The following TENM2 variants were observed in gnomAD, a reference collection of about 807,000 sequenced individuals.
TENM2 encodes teneurin transmembrane protein 2.
TENM2 carries 52 observed loss-of-function variants against 245.2 expected under a neutral mutation model. The ratio of observed to expected loss-of-function variants is 0.21; its 90% CI spans 0.17 to 0.27. TENM2 has a LOEUF of 0.27. Among genes scored for constraint, TENM2 ranks in the 10% least tolerant of loss-of-function variants. The probability of loss-of-function intolerance (pLI) is 1.00; values close to 1 mark genes in which losing one functional copy is unlikely to be tolerated. For missense variants in TENM2, 3,046 were observed against 3,666.8 expected (o/e 0.83, Z 4.37); for synonymous variants, 1,363 against 1,438.9 (o/e 0.95, Z 1.19).
intron 2 of TENM2, among the ~76,000 whole-genome samples, chr5:167,511,322 T>G (rs1159917042): frequency 6.6e-6 from 1 of 152,046 alleles, no homozygotes; most frequent in African/African-American, 2.4e-5. Flanking sequence ...ACTGAGAAGG[T>G]AAAACGTGAG....
chr5:166,996,649 T>A, the TENM2 span, among the ~76,000 whole-genome samples: 1 of 152,238 alleles, frequency 6.6e-6, no homozygotes, highest in African/African-American at 2.4e-5. Context: ...CTCATTTTTC[T>A]GAGTTCATGA....
chr5:168,070,792 A>AG, intron 7 of TENM2, among the ~76,000 whole-genome samples: 9 of 97,324 alleles, frequency 9.2e-5, no homozygotes, highest in Non-Finnish European at 1.7e-4. Flanking sequence ...AGAAAGAAAG[A>AG]AAGAGAGAGA....
chr5:167,710,335 C>T (rs570717092), intron 2 of TENM2, among the ~76,000 whole-genome samples: 1 of 138,330 alleles, frequency 7.2e-6, no homozygotes, highest in Non-Finnish European at 1.5e-5. Context: ...AAGTGACTTT[C>T]GATTTCATGG....
intron 2 of TENM2, among the ~76,000 whole-genome samples, chr5:167,435,893 G>C (rs370910042): frequency 7.9e-5 from 12 of 151,608 alleles, no homozygotes; most frequent in African/African-American, 2.9e-4. Context: ...TTTTGCCCCT[G>C]CCCTAGAGAT....
At chr5:168,010,913 A>T (rs1785172597) in intron 5 of TENM2, among the ~76,000 whole-genome samples, 2 of 152,254 alleles carry the variant, frequency 1.3e-5, no homozygotes, top group African/African-American at 2.4e-5. Flanking sequence ...CTTCCTTTTC[A>T]TAACTGCTCT....
At chr5:167,755,700 G>A (rs187497188) in intron 2 of TENM2, among the ~76,000 whole-genome samples, 2 of 152,040 alleles carry the variant, frequency 1.3e-5, no homozygotes, top group African/African-American at 4.8e-5. Flanking sequence ...TTTAAAATAG[G>A]CAAAAGGAAG....
At chr5:167,332,217 T>C (rs1757501216) in intron 1 of TENM2, among the ~76,000 whole-genome samples, 2 of 152,220 alleles carry the variant, frequency 1.3e-5, no homozygotes, top group Non-Finnish European at 2.9e-5. Context: ...TTTCGTGGCC[T>C]CGGCAGTACC....
chr5:168,227,193 G>GTAACT (rs1764276171), intron 24 of TENM2, among the ~76,000 whole-genome samples: 1 of 152,128 alleles, frequency 6.6e-6, no homozygotes, highest in Non-Finnish European at 1.5e-5. Flanking sequence ...TTTCCTTCCC[G>GTAACT]TAACTTTTCG....
At chr5:167,090,454 C>A in the TENM2 span, among the ~76,000 whole-genome samples, 1 of 152,168 alleles carries the variant, frequency 6.6e-6, no homozygotes, top group Non-Finnish European at 1.5e-5. Flanking sequence ...ATGAGGCATA[C>A]AGCAATTGAC....
chr5:167,024,037 CT>C, the TENM2 span, among the ~76,000 whole-genome samples: 2 of 152,066 alleles, frequency 1.3e-5, no homozygotes, highest in East Asian at 1.9e-4. Flanking sequence ...ATTCATAAGT[CT>C]GGCATTTTAT....
intron 9 of TENM2, among the ~76,000 whole-genome samples, chr5:168,104,849 A>G (rs1251923234): frequency 6.6e-6 from 1 of 152,198 alleles, no homozygotes; most frequent in African/African-American, 2.4e-5. Context: ...GTCCTGAGTC[A>G]GTCGAGGGGA....
intron 6 of TENM2, among the ~76,000 whole-genome samples, chr5:168,053,640 T>G (rs1789299652): frequency 6.6e-6 from 1 of 152,250 alleles, no homozygotes; most frequent in Admixed American, 6.5e-5. Flanking sequence ...GTATTATAAG[T>G]AATCTAGAGA....
intron 1 of TENM2, among the ~76,000 whole-genome samples, chr5:167,365,424 G>C (rs1391621378): frequency 6.6e-6 from 1 of 150,840 alleles, no homozygotes; most frequent in African/African-American, 2.4e-5. Context: ...AATAAGATAA[G>C]TGCAGAAATT....
chr5:167,787,769 C>A (rs1764684127), intron 2 of TENM2, among the ~76,000 whole-genome samples: 1 of 152,146 alleles, frequency 6.6e-6, no homozygotes, highest in African/African-American at 2.4e-5. Flanking sequence ...ATGGAGACAA[C>A]CCTCGGGAAC....
chr5:168,238,924 C>A (rs1217252471), intron 25 of TENM2, among the ~76,000 whole-genome samples: 1 of 152,206 alleles, frequency 6.6e-6, no homozygotes, highest in Non-Finnish European at 1.5e-5. Flanking sequence ...AAATTGGTTT[C>A]TCTATCACTG....
intron 2 of TENM2, among the ~76,000 whole-genome samples, chr5:167,487,945 A>G (rs987913319): frequency 6.6e-6 from 1 of 152,206 alleles, no homozygotes; most frequent in Non-Finnish European, 1.5e-5. Context: ...TATAATTTAT[A>G]AAATTATTGT....
chr5:167,787,545 T>G (rs112152781), intron 2 of TENM2, among the ~76,000 whole-genome samples: 4,434 of 152,304 alleles, frequency 0.029, 257 homozygotes, highest in East Asian at 0.19. Context: ...ATTTCCCACC[T>G]GGAAGCTCCT....
chr5:168,188,813 G>A (rs985825284), intron 13 of TENM2, among the ~76,000 whole-genome samples: 22 of 152,274 alleles, frequency 1.4e-4, no homozygotes, highest in African/African-American at 3.9e-4. Context: ...GGGGTGGGCC[G>A]TTTATTCTTC....
At chr5:167,541,829 C>T (rs1161058016) in intron 2 of TENM2, among the ~76,000 whole-genome samples, 2 of 152,020 alleles carry the variant, frequency 1.3e-5, no homozygotes, top group East Asian at 3.8e-4. Context: ...ATACATAAGG[C>T]AATAATTTGA....
Sources: allele counts gnomAD v4.1 joint callset (sites outside exome capture counted in the v4.1 genomes callset), GRCh38; gene constraint gnomAD v4.1.1; transcripts MANE v1.5; gene names NCBI Gene and HGNC (gene_info 2026-07-23, HGNC 2026-07-21).